Variants in AGMO observed in about 807,000 individuals in gnomAD.
AGMO encodes the protein alkylglycerol monooxygenase, also known as glyceryl-ether monooxygenase.
Under a neutral mutation model 60.2 loss-of-function variants are expected in AGMO, and 75 were observed. The ratio of observed to expected loss-of-function variants is 1.25; its 90% CI spans 1.03 to 1.51. The LOEUF (loss-of-function observed/expected upper bound fraction) is 1.51, where lower values mean the gene tolerates loss of function less well. AGMO is among the 40% of genes most tolerant of loss of function. AGMO has a pLI of 0.00. For missense variants in AGMO, 763 were observed against 525.5 expected, an observed-to-expected ratio of 1.45 and a Z score of -4.42; for synonymous variants, 261 against 177.1, an observed-to-expected ratio of 1.47 and a Z score of -3.76.
intron 12 of AGMO, among the ~76,000 whole-genome samples, chr7:15,329,232 A>G (rs1449235726): frequency 6.6e-6 from 1 of 152,174 alleles, no homozygotes; most frequent in Non-Finnish European, 1.5e-5. Flanking sequence ...GATATACTTT[A>G]ATTGTTTCGG....
At chr7:15,367,461 T>A (rs914082794) in intron 10 of AGMO, among the ~76,000 whole-genome samples, 5 of 151,970 alleles carry the variant, frequency 3.3e-5, no homozygotes, top group African/African-American at 4.8e-5. Context: ...GCTTTATTTT[T>A]AAAAAAACGC....
At chr7:15,533,965 C>T (rs1462166650) in intron 3 of AGMO, among the ~76,000 whole-genome samples, 6 of 151,942 alleles carry the variant, frequency 3.9e-5, no homozygotes, top group African/African-American at 1.4e-4. Flanking sequence ...TATTTTATTA[C>T]CAAGATTTGC....
At chr7:15,457,931 T>A (rs1219816455) in intron 3 of AGMO, among the ~76,000 whole-genome samples, 3 of 152,146 alleles carry the variant, frequency 2.0e-5, no homozygotes, top group African/African-American at 7.2e-5. Context: ...ATTCCAATTA[T>A]AAATTATATG....
intron 12 of AGMO, among the ~76,000 whole-genome samples, chr7:15,282,241 A>G (rs574036764): frequency 1.3e-5 from 2 of 152,122 alleles, no homozygotes; most frequent in African/African-American, 4.8e-5. Flanking sequence ...AACCTCTACA[A>G]TACCAGATAA....
chr7:15,335,086 T>C (rs1280253459), intron 12 of AGMO, among the ~76,000 whole-genome samples: 2 of 152,186 alleles, frequency 1.3e-5, no homozygotes, highest in South Asian at 2.1e-4. Flanking sequence ...CGTATTCATC[T>C]CTAATTGCTT....
At chr7:15,291,277 A>AT (rs1169185299) in intron 12 of AGMO, among the ~76,000 whole-genome samples, 4 of 152,226 alleles carry the variant, frequency 2.6e-5, no homozygotes, top group African/African-American at 7.2e-5. Flanking sequence ...CTATAGAGAT[A>AT]TATCGACAAA....
chr7:15,490,547 C>T (rs1257529525), intron 3 of AGMO, among the ~76,000 whole-genome samples: 2 of 152,102 alleles, frequency 1.3e-5, no homozygotes, highest in African/African-American at 2.4e-5. Context: ...ACATCCGCAA[C>T]ACAGACAGGA....
At chr7:15,192,822 A>T in the AGMO span, among the ~76,000 whole-genome samples, 1 of 152,186 alleles carries the variant, frequency 6.6e-6, no homozygotes, top group Non-Finnish European at 1.5e-5. Flanking sequence ...CAAGCAAACT[A>T]GCCACACCCC....
chr7:15,219,917 T>C (rs1781865234), intron 12 of AGMO, among the ~76,000 whole-genome samples: 1 of 152,160 alleles, frequency 6.6e-6, no homozygotes, highest in African/African-American at 2.4e-5. Flanking sequence ...CCAGATGGCT[T>C]ATTACATGTT....
intron 12 of AGMO, among the ~76,000 whole-genome samples, chr7:15,245,952 T>C (rs1288177317): frequency 6.6e-6 from 1 of 152,130 alleles, no homozygotes; most frequent in Non-Finnish European, 1.5e-5. Flanking sequence ...CATTGTTCCT[T>C]TCCTTTATTG....
intron 3 of AGMO, among the ~76,000 whole-genome samples, chr7:15,497,477 C>T (rs1005551868): frequency 2.0e-5 from 3 of 152,034 alleles, no homozygotes; most frequent in Non-Finnish European, 4.4e-5. Flanking sequence ...GAGGTACAAA[C>T]ATCATCAAGG....
At chr7:15,437,983 T>A (rs1781447553) in intron 3 of AGMO, among the ~76,000 whole-genome samples, 1 of 152,132 alleles carries the variant, frequency 6.6e-6, no homozygotes, top group Non-Finnish European at 1.5e-5. Flanking sequence ...TTTAACATAT[T>A]TTTTCTTTTT....
intron 4 of AGMO, among the ~76,000 whole-genome samples, chr7:15,429,383 G>GA (rs776981492): frequency 2.6e-5 from 4 of 152,020 alleles, no homozygotes; most frequent in Non-Finnish European, 5.9e-5. Flanking sequence ...TGTGGACAAA[G>GA]AAACAGGAAG....
chr7:15,426,933 A>T (rs1299950308), intron 4 of AGMO, among the ~76,000 whole-genome samples: 1 of 152,070 alleles, frequency 6.6e-6, no homozygotes, highest in Non-Finnish European at 1.5e-5. Context: ...AACTGGAGAG[A>T]CGAAACCAAG....
intron 12 of AGMO, among the ~76,000 whole-genome samples, chr7:15,346,451 T>G (rs1782034572): frequency 1.3e-5 from 2 of 152,078 alleles, no homozygotes; most frequent in Admixed American, 6.6e-5. Flanking sequence ...GCTTAGGATT[T>G]AATTGTAAAA....
the AGMO span, among the ~76,000 whole-genome samples, chr7:15,170,622 T>C: frequency 6.6e-6 from 1 of 152,182 alleles, no homozygotes; most frequent in African/African-American, 2.4e-5. Context: ...GTATAGAGTA[T>C]TTCCATATAC....
intron 10 of AGMO, among the ~76,000 whole-genome samples, chr7:15,369,735 G>C (rs140511346): frequency 6.1e-4 from 93 of 152,150 alleles, no homozygotes; most frequent in African/African-American, 2.2e-3. Flanking sequence ...TAAACTCAAT[G>C]AAAGTTTTTA....
chr7:15,308,050 C>T (rs1780665230), intron 12 of AGMO, among the ~76,000 whole-genome samples: 1 of 152,044 alleles, frequency 6.6e-6, no homozygotes, highest in Admixed American at 6.6e-5. Flanking sequence ...GCTTGCTGGT[C>T]CTCACTACAC....
chr7:15,207,847 T>A (rs1401840781), intron 12 of AGMO, among the ~76,000 whole-genome samples: 1 of 152,172 alleles, frequency 6.6e-6, no homozygotes, highest in Admixed American at 6.5e-5. Flanking sequence ...GACAGGAGAT[T>A]GGCATGAAGC....
Sources: gnomAD v4.1 joint callset for allele counts (sites outside exome capture counted in the v4.1 genomes callset) on GRCh38, gnomAD v4.1.1 for gene constraint, MANE v1.5 for transcripts, NCBI Gene and HGNC (gene_info 2026-07-23, HGNC 2026-07-21) for gene names.